The following HAUS3 variants were observed in gnomAD, a reference collection of about 807,000 sequenced individuals.
HAUS3 encodes the protein HAUS augmin like complex subunit 3.
In HAUS3, 36 loss-of-function variants were observed where a neutral mutation model predicts 55.2. The observed-to-expected ratio is 0.65, with a 90% CI of 0.50 to 0.86. The LOEUF is 0.86. HAUS3 is among the 40% of genes least tolerant of loss of function. The probability of loss-of-function intolerance (pLI) is 0.00; values close to 1 mark genes in which losing one functional copy is unlikely to be tolerated. For synonymous variants in HAUS3, 234 were observed against 238.6 expected (o/e 0.98, Z 0.18); for missense variants, 752 against 671.5 (o/e 1.12, Z -1.33).
chr4:2,234,604 TTAAC>T (rs1304166700), intron 5 of HAUS3: 5 of 152,346 alleles, frequency 3.3e-5, no homozygotes, highest in African/African-American at 7.2e-5. Context: ...GAATCAGGAC[TTAAC>T]TAATAACAAA....
intron 4 of HAUS3, among the ~76,000 whole-genome samples, chr4:2,236,671 C>T (rs1460842989): frequency 6.6e-6 from 1 of 151,580 alleles, no homozygotes; most frequent in Non-Finnish European, 1.5e-5. Context: ...CCAGCCTGGG[C>T]AACATGGTGA....
In HAUS3 at chr4:2,242,085, G is replaced by GCCGCCA. The variant is rs1239077232; in HGVS notation, c.-459_-454dup. ...TTCCGCTTGCTTCTCGCAGGAGCCCGCCGCCACCGCCCTCCGTGCCCCGCG... is the reference window on the plus strand; with the variant it reads ...TTCCGCTTGCTTCTCGCAGGAGCCCGCCGCCACCGCCACCGCCCTCCGTGCCCCGCG... On this transcript the variant is annotated 5_prime_UTR_variant, in exon 1 of 6. Coordinates refer to ENST00000443786, the MANE Select transcript of HAUS3 (RefSeq NM_001303143.2). 1 of 985,750 alleles carries GCCGCCA rather than the reference G, an allele frequency of 1.0e-6. No individual in the cohort carries two copies. The highest frequency in any genetic ancestry group is 1.7e-5 in the African/African-American group (1 of 57,258). The allele number at this position is 985,750 out of a possible 1,614,324, so 61.1% of individuals were successfully genotyped here. A position where few individuals can be genotyped will look rare whatever the true frequency, so the allele number is the denominator to read the frequency against.
In HAUS3 at chr4:2,240,364, A is replaced by G; in HGVS notation, c.583T>C (p.Leu195=). The G allele has an allele frequency of 6.2e-7, 1 of 1,604,198 alleles. No homozygotes were observed. Among genetic ancestry groups the G allele is most frequent in the Non-Finnish European group, 8.5e-7 (1 of 1,173,876 alleles). ...LGQGTNPLVF[L]SQFSLEKYLS... ...TATTTTTCCAAGGAAAATTGCGATA[A>G]AAATACCAGTGGATTTGTCCCTTGA... The change falls in exon 3 of 6, where the codon TTA becomes CTA. Residue 195 remains leucine, a synonymous_variant. Coordinates refer to ENST00000443786, the MANE Select transcript of HAUS3 (RefSeq NM_001303143.2).
intron 4 of HAUS3, among the ~76,000 whole-genome samples, chr4:2,237,858 T>A (rs1346990964): frequency 6.6e-6 from 1 of 152,184 alleles, no homozygotes; most frequent in Non-Finnish European, 1.5e-5. Context: ...GTAACAGACT[T>A]CCTAAAACTG....
intron 2 of HAUS3, 38 bp from the exon 3 acceptor site, chr4:2,241,131 G>A: frequency 1.9e-6 from 1 of 518,918 alleles, no homozygotes; most frequent in Non-Finnish European, 3.3e-6. Context: ...CCACAAATAT[G>A]ACGACAGTGT....
chr4:2,241,642 C>T lies in HAUS3; in HGVS notation c.-270G>A. The stretch of plus-strand genomic sequence containing the variant: ...GTGCTTCGGGCCGGCCTTCAGCCAG[C>T]GCTGAGGCAGCCCCGACGCCAGGGC... On this transcript the variant is annotated 5_prime_UTR_variant, in exon 2 of 6. Transcript: ENST00000443786. 1.0e-6 allele frequency: 1 copy of T among 985,474 alleles called. No homozygotes were observed. The highest frequency in any genetic ancestry group is 1.2e-6 in the Non-Finnish European group (1 of 829,950). The allele number at this position is 985,474 out of a possible 1,614,324, so 61.0% of individuals were successfully genotyped here.
At chr4:2,236,022 A>G (rs982141500) in intron 5 of HAUS3, among the ~76,000 whole-genome samples, 3 of 152,210 alleles carry the variant, frequency 2.0e-5, no homozygotes, top group Admixed American at 2.0e-4. Flanking sequence ...AAAATTATAT[A>G]CATTTTTAAA....
Position 2,230,124 on chromosome 4 carries a change from G to C in HAUS3, c.*1803C>G, listed in dbSNP as rs185337344. 1 of 152,496 alleles carries C rather than the reference G, an allele frequency of 6.6e-6. No individual in the cohort carries two copies. The highest frequency in any genetic ancestry group is 2.4e-5 in the African/African-American group (1 of 41,434). The allele number at this position is 152,496 out of a possible 1,614,324, so 9.4% of individuals were successfully genotyped here. ...AGCCTGACCAACATGGTGAAACCCC[G>C]TCTCTACTGAAAATACAAAAATTAG... On this transcript the variant is annotated 3_prime_UTR_variant, in exon 6 of 6. Transcript: ENST00000443786.
chr4:2,237,451 G>C (rs1259970041), intron 4 of HAUS3, among the ~76,000 whole-genome samples: 1 of 151,544 alleles, frequency 6.6e-6, no homozygotes, highest in African/African-American at 2.4e-5. Flanking sequence ...GAAAGAAAGG[G>C]AAGGAAAGGA....
In HAUS3 at chr4:2,228,773, T is replaced by C. The variant is rs1734474225; in HGVS notation, c.*3154A>G. The stretch of plus-strand genomic sequence containing the variant: ...CATATCTCTTGTTCACCACACAAAA[T>C]AGCAAATACTATGTACAGGTTTGAT... On this transcript the variant is annotated 3_prime_UTR_variant, in exon 6 of 6. Transcript: ENST00000443786. The C allele has an allele frequency of 9.0e-6, 2 of 223,234 alleles. No individual in the cohort carries two copies. The highest frequency in any genetic ancestry group is 1.7e-4 in the South Asian group (2 of 11,500). The allele number at this position is 223,234 out of a possible 1,614,324, so 13.8% of individuals were successfully genotyped here.
chr4:2,239,390 G>A (rs1280305287), intron 3 of HAUS3, among the ~76,000 whole-genome samples: 1 of 152,068 alleles, frequency 6.6e-6, no homozygotes, highest in African/African-American at 2.4e-5. Context: ...TACTTCAATA[G>A]GTCCTAGTTG....
In HAUS3 at chr4:2,241,684, G is replaced by A. The variant is rs1290017998; in HGVS notation, c.-312C>T. ...CGCCAGGGCCGCGCGAACCCCAGAG[G>A]CAGCGGCAAGCCCCAGGGATCCGCG... On this transcript the variant is annotated 5_prime_UTR_variant, in exon 2 of 6. Coordinates refer to ENST00000443786, the MANE Select transcript of HAUS3 (RefSeq NM_001303143.2). 5 of 985,410 alleles carry A rather than the reference G, an allele frequency of 5.1e-6. No homozygotes were observed. The highest frequency in any genetic ancestry group is 1.7e-5 in the African/African-American group (1 of 57,258). The allele number at this position is 985,410 out of a possible 1,614,324, so 61.0% of individuals were successfully genotyped here.
In HAUS3 at chr4:2,240,685, CAGA is replaced by C; in HGVS notation, c.259_261del (p.Ser87del). ...TCATCCAGTCTAGGTGTCTTCAAAT[CAGA>C]AGTTTTACACGTTTTAAGAGCTTCA... On this transcript the variant is annotated inframe_deletion, in exon 3 of 6. Coordinates refer to ENST00000443786, the MANE Select transcript of HAUS3 (RefSeq NM_001303143.2). 6.2e-7 allele frequency: 1 copy of C among 1,614,008 alleles called. No individual in the cohort carries two copies. The highest frequency in any genetic ancestry group is 8.5e-7 in the Non-Finnish European group (1 of 1,179,980).
intron 5 of HAUS3, among the ~76,000 whole-genome samples, chr4:2,236,021 T>C (rs1734752204): frequency 6.6e-6 from 1 of 152,212 alleles, no homozygotes; most frequent in Non-Finnish European, 1.5e-5. Context: ...AAAAATTATA[T>C]ACATTTTTAA....
chr4:2,241,096 A>AG lies in HAUS3; in HGVS notation c.-147-4dup. The AG allele has an allele frequency of 5.0e-6, 3 of 604,876 alleles. No homozygotes were observed. The highest frequency in any genetic ancestry group is 3.5e-5 in the Admixed American group (1 of 28,400). The allele number at this position is 604,876 out of a possible 1,614,324, so 37.5% of individuals were successfully genotyped here. On this transcript the variant is annotated splice_region_variant and splice_polypyrimidine_tract_variant and intron_variant, in intron 2 of 5. Transcript: ENST00000443786. ...TTTAGAATCTATAATGATTCCTCCT[A>AG]GGGGGGAAGAAAACAAGTATTAGAC...
At chr4:2,238,532 G>C in intron 4 of HAUS3, 72 bp downstream of exon 4, 2 of 993,060 alleles carry the variant, frequency 2.0e-6, no homozygotes, top group Non-Finnish European at 2.8e-6. Context: ...CAAAATTTTA[G>C]CTCAAACTCT....
Position 2,229,009 on chromosome 4 carries a change from T to A in HAUS3, c.*2918A>T. On this transcript the variant is annotated 3_prime_UTR_variant, in exon 6 of 6. Transcript: ENST00000443786. The stretch of plus-strand genomic sequence containing the variant: ...AGGGGCGGGAGCTGGGCTTCATCTG[T>A]CTACATGCATTCCATTTTCAATTCT... 7.5e-7 allele frequency: 1 copy of A among 1,329,036 alleles called. No homozygotes were observed. 82.3% of individuals were successfully genotyped at this position (1,329,036 alleles called of 1,614,324 possible). A position where few individuals can be genotyped will look rare whatever the true frequency, so the allele number is the denominator to read the frequency against.
Position 2,240,855 on chromosome 4 carries a change from A to C in HAUS3, c.92T>G (p.Phe31Cys), listed in dbSNP as rs1332888359. 6.2e-7 allele frequency: 1 copy of C among 1,613,122 alleles called. No homozygotes were observed. Among genetic ancestry groups the C allele is most frequent in the Non-Finnish European group, 8.5e-7 (1 of 1,179,960 alleles). The change falls in exon 3 of 6, where the codon TTT (phenylalanine) becomes TGT (cysteine). Residue 31 changes from phenylalanine to cysteine, a missense_variant. Physicochemically the swap from Phe to Cys is radical, Grantham distance 205. Coordinates refer to ENST00000443786, the MANE Select transcript of HAUS3 (RefSeq NM_001303143.2). ...AAACGATTCATCTTCAACGCCCTCA[A>C]ACAACCAGTCAAAGTCTTCTCCATT... ...NLNGEDFDWL[F>C]EGVEDESFLK...
In HAUS3 at chr4:2,229,475, G is replaced by C; in HGVS notation, c.*2452C>G. 3.1e-6 allele frequency: 1 copy of C among 327,480 alleles called. No homozygotes were observed. The highest frequency in any genetic ancestry group is 5.5e-6 in the Non-Finnish European group (1 of 181,394). The allele number at this position is 327,480 out of a possible 1,614,324, so 20.3% of individuals were successfully genotyped here. The stretch of plus-strand genomic sequence containing the variant: ...TAAATAGATAACTTATTTTCTAGGT[G>C]ACCAATTTAGAAGCAATCTACTCAA... On this transcript the variant is annotated 3_prime_UTR_variant, in exon 6 of 6. Transcript: ENST00000443786.
Sources: allele counts gnomAD v4.1 joint callset (sites outside exome capture counted in the v4.1 genomes callset), GRCh38; gene constraint gnomAD v4.1.1; transcripts MANE v1.5; gene names NCBI Gene and HGNC (gene_info 2026-07-23, HGNC 2026-07-21).